The following ZC3H4 variants were observed in gnomAD, a reference collection of about 807,000 sequenced individuals.
ZC3H4 encodes the protein zinc finger CCCH-type containing 4, also known as zinc finger CCCH domain-containing protein 4.
A neutral mutation model predicts 108.3 loss-of-function variants in ZC3H4; 13 were observed. That is an observed-to-expected ratio of 0.12 (90% confidence interval 0.08 to 0.19). The LOEUF (loss-of-function observed/expected upper bound fraction) is 0.19, where lower values mean the gene tolerates loss of function less well. Among genes scored for constraint, ZC3H4 ranks in the 10% least tolerant of loss-of-function variants. ZC3H4 has a pLI of 1.00. For synonymous variants in ZC3H4, 917 were observed against 749.6 expected, an observed-to-expected ratio of 1.22 and a Z score of -3.65; for missense variants, 1,734 against 1,838.8, an observed-to-expected ratio of 0.94 and a Z score of 1.04.
intron 2 of ZC3H4, among the ~76,000 whole-genome samples, chr19:47,106,936 G>A (rs920121609): frequency 1.3e-5 from 2 of 152,158 alleles, no homozygotes; most frequent in Non-Finnish European, 2.9e-5. Context: ...TGGGGAAACT[G>A]ACTAGTTTGC....
intron 11 of ZC3H4, 82 bp downstream of exon 11, chr19:47,081,431 C>A: frequency 9.0e-7 from 1 of 1,112,318 alleles, no homozygotes; most frequent in Non-Finnish European, 1.4e-6. Flanking sequence ...AGAGGCTGGA[C>A]AGGCAGGCCA....
At chr19:47,070,816 G>T (rs918441329) in intron 13 of ZC3H4, among the ~76,000 whole-genome samples, 1 of 152,052 alleles carries the variant, frequency 6.6e-6, no homozygotes, top group African/African-American at 2.4e-5. Context: ...CACGTCCAGC[G>T]CCCCATCCTC....
chr19:47,082,910 C>T (rs2057549129), intron 9 of ZC3H4, among the ~76,000 whole-genome samples: 1 of 152,206 alleles, frequency 6.6e-6, no homozygotes, highest in South Asian at 2.1e-4. Context: ...CTCAACGACA[C>T]AATACCTAGG....
At chr19:47,088,248 C>T (rs1304076365) in intron 5 of ZC3H4, among the ~76,000 whole-genome samples, 1 of 149,398 alleles carries the variant, frequency 6.7e-6, no homozygotes, top group Admixed American at 6.7e-5. Context: ...GAGTAAGGCA[C>T]AAGAATTGCT....
In ZC3H4 at chr19:47,084,062, C is replaced by A. The variant is rs562449806; in HGVS notation, c.1218+283G>T. 1.8e-4 allele frequency among the ~76,000 whole-genome samples: 27 copies of A among 152,256 alleles called. No individual in the cohort carries two copies. In the South Asian group the frequency reaches 5.6e-3, roughly 32 times the overall value. ...TGCTGCTTTGCATTCACATCAACCTCCATAATTACGTTTCAGGCTATATGG... is the reference window on the plus strand; with the variant it reads ...TGCTGCTTTGCATTCACATCAACCTACATAATTACGTTTCAGGCTATATGG... On this transcript the variant is annotated intron_variant, in intron 9 of 14. Transcript: ENST00000253048.
In ZC3H4 at chr19:47,065,063, C is replaced by T. The variant is rs1190713671; in HGVS notation, c.*1293G>A. The T allele has an allele frequency of 2.6e-5, 4 of 152,460 alleles. No homozygotes were observed. The highest frequency in any genetic ancestry group is 2.6e-4 in the Admixed American group (4 of 15,282). 9.4% of individuals were successfully genotyped at this position (152,460 alleles called of 1,614,324 possible). A position where few individuals can be genotyped will look rare whatever the true frequency, so the allele number is the denominator to read the frequency against. On this transcript the variant is annotated 3_prime_UTR_variant, in exon 15 of 15. Transcript: ENST00000253048. ...GTGGCCCAGAGGCAGGATAGCAGGC[C>T]TCCCCCAGCACCCCTTGCGCCCATC...
chr19:47,078,941 C>T (rs932219434), intron 11 of ZC3H4, among the ~76,000 whole-genome samples: 2 of 150,868 alleles, frequency 1.3e-5, no homozygotes, highest in Admixed American at 6.6e-5. Flanking sequence ...GCAGGAGAAT[C>T]GCTTGAACCC....
intron 2 of ZC3H4, among the ~76,000 whole-genome samples, chr19:47,104,548 C>A (rs1259138043): frequency 6.6e-6 from 1 of 152,154 alleles, no homozygotes; most frequent in Non-Finnish European, 1.5e-5. Flanking sequence ...TCAATAGAAA[C>A]AGTAACTAAT....
intron 5 of ZC3H4, among the ~76,000 whole-genome samples, chr19:47,088,503 G>A (rs990767661): frequency 2.0e-4 from 30 of 151,744 alleles, no homozygotes; most frequent in Non-Finnish European, 3.5e-4. Context: ...AGCCGAGATC[G>A]CGCCATTGCA....
intron 5 of ZC3H4, 114 bp from the exon 6 acceptor site, chr19:47,086,652 TCTC>T (rs535318899): frequency 2.3e-4 from 315 of 1,361,690 alleles, no homozygotes; most frequent in South Asian, 8.4e-4. Context: ...TCCTCCTCCT[TCTC>T]CTCCTCCTCC....
chr19:47,074,870 AG>A (rs1270953294), intron 11 of ZC3H4, among the ~76,000 whole-genome samples: 1 of 152,184 alleles, frequency 6.6e-6, no homozygotes, highest in African/African-American at 2.4e-5. Context: ...ACTCATTCCC[AG>A]GGCTGAGTTT....
chr19:47,070,599 G>C (rs1422125589), intron 13 of ZC3H4, among the ~76,000 whole-genome samples: 1 of 152,132 alleles, frequency 6.6e-6, no homozygotes, highest in African/African-American at 2.4e-5. Flanking sequence ...AGCACCTACT[G>C]TGGCAGCCTG....
intron 11 of ZC3H4, among the ~76,000 whole-genome samples, chr19:47,076,321 GCGCGCACA>G (rs1051855419): frequency 5.4e-5 from 4 of 74,640 alleles, no homozygotes; most frequent in African/African-American, 2.0e-4. Context: ...GCGTGCGCGC[GCGCGCACA>G]CACACACACA....
intron 2 of ZC3H4, among the ~76,000 whole-genome samples, chr19:47,107,971 T>A (rs2057988622): frequency 6.6e-6 from 1 of 152,202 alleles, no homozygotes; most frequent in African/African-American, 2.4e-5. Context: ...CTTATCCCCA[T>A]GAACTTGACA....
intron 2 of ZC3H4, among the ~76,000 whole-genome samples, chr19:47,104,966 C>T (rs2123085009): frequency 6.6e-6 from 1 of 152,300 alleles, no homozygotes; most frequent in African/African-American, 2.4e-5. Context: ...CCAGTTACTT[C>T]TAATGAATGA....
chr19:47,110,856 T>A, intron 2 of ZC3H4: 1 of 957,340 alleles, frequency 1.0e-6, no homozygotes, highest in Non-Finnish European at 1.2e-6. Context: ...TACATTTAAT[T>A]AGAACAAAAC....
intron 2 of ZC3H4, among the ~76,000 whole-genome samples, chr19:47,110,209 T>G (rs1648949588): frequency 6.6e-6 from 1 of 151,288 alleles, no homozygotes; most frequent in Non-Finnish European, 1.5e-5. Flanking sequence ...CAATCTTTTT[T>G]GGGGAGTGGG....
Position 47,085,083 on chromosome 19 carries a change from G to A in ZC3H4, c.1080C>T (p.Asp360=), listed in dbSNP as rs188917237. The part of the protein sequence containing the change: ...GGMNKGGMND[D]EDFYDEDMGD... ...CCATGTCCTCGTCATAGAAGTCTTC[G>A]TCATCGTTCATTCCGCCCTTGTTCA... Residue 360 remains aspartate (D), a synonymous_variant, in exon 8 of 15, where the codon GAC becomes GAT. Transcript: ENST00000253048. 17 of 1,614,204 alleles carry A rather than the reference G, an allele frequency of 1.1e-5. No homozygotes were observed. The highest frequency in any genetic ancestry group is 2.7e-5 in the African/African-American group (2 of 75,064).
At chr19:47,075,121 C>T (rs2057397081) in intron 11 of ZC3H4, among the ~76,000 whole-genome samples, 1 of 152,130 alleles carries the variant, frequency 6.6e-6, no homozygotes, top group Non-Finnish European at 1.5e-5. Context: ...TATCTGGACC[C>T]TGGAACCCCA....
Sources: allele counts gnomAD v4.1 joint callset (sites outside exome capture counted in the v4.1 genomes callset), GRCh38; gene constraint gnomAD v4.1.1; transcripts MANE v1.5; gene names NCBI Gene and HGNC (gene_info 2026-07-23, HGNC 2026-07-21).